NEB: variants seen among roughly 807,000 people sequenced by gnomAD.
NEB encodes the protein nebulin.
Under a neutral mutation model 952.2 loss-of-function variants are expected in NEB, and 512 were observed. The ratio of observed to expected loss-of-function variants is 0.54; its 90% CI spans 0.50 to 0.58. NEB has a LOEUF of 0.58. NEB is among the 20% of genes least tolerant of loss of function. The probability of loss-of-function intolerance (pLI) is 0.00; values close to 1 mark genes in which losing one functional copy is unlikely to be tolerated. For missense variants in NEB, 8,428 were observed against 9,231.1 expected (o/e 0.91, Z 3.56); for synonymous variants, 2,900 against 3,149.8 (o/e 0.92, Z 2.66).
chr2:151,671,774 G>A (rs1010459902), intron 37 of NEB, among the ~76,000 whole-genome samples: 3 of 152,040 alleles, frequency 2.0e-5, no homozygotes, highest in East Asian at 1.9e-4. Flanking sequence ...TATTTTTATC[G>A]AGTGCCAATA....
At position 151,610,580 on chromosome 2, in the gene NEB, T is replaced by C. The variant is rs745504838; in HGVS notation, c.11954A>G (p.Tyr3985Cys). 33 of 1,613,834 alleles carry C rather than the reference T, an allele frequency of 2.0e-5. No individual in the cohort carries two copies. The highest frequency in any genetic ancestry group is 3.3e-4 in the Middle Eastern group (2 of 6,060). The part of the protein sequence containing the change: ...KGWDESKMKD[Y>C]DLRADAISIK... ...GGAAATAGCATCTGCTCTCAGATCATAGTCCTTCATCTTTGATTCATCCCA... is the reference window on the plus strand; with the variant it reads ...GGAAATAGCATCTGCTCTCAGATCACAGTCCTTCATCTTTGATTCATCCCA... Residue 3985 changes from tyrosine to cysteine, a missense_variant, in exon 80 of 182, where the codon TAT (tyrosine) becomes TGT (cysteine). By Grantham distance (194) the Tyr-to-Cys change is radical (BLOSUM62 -2). Around this residue, in one of 11 missense-constraint regions of NEB, gnomAD observed 337 missense variants for 297.5 expected, o/e 1.13. Coordinates refer to ENST00000397345, the MANE Select transcript of NEB (RefSeq NM_001164508.2).
Position 151,547,720 on chromosome 2 carries a change from A to G in NEB, c.20176T>C (p.Tyr6726His), listed in dbSNP as rs1436101271. ...VTSERLYREL[Y>H]HKLKDKIHTT... ...TGGATCTTGTCTTTCAGTTTGTGGT[A>G]CAATTCCCGATACAGTCTCTACGTT... Residue 6726 changes from tyrosine to histidine, a missense_variant, in exon 132 of 182, where the codon TAC becomes CAC. Physicochemically the swap from Tyr to His is moderately conservative, Grantham distance 83. This residue lies in a region of NEB where 3,374 missense variants were observed against 3,651.5 expected (regional missense o/e 0.92). Coordinates refer to ENST00000397345, the MANE Select transcript of NEB (RefSeq NM_001164508.2). 6.2e-7 allele frequency: 1 copy of G among 1,613,220 alleles called. No homozygotes were observed. Among genetic ancestry groups the G allele is most frequent in the African/African-American group, 1.3e-5 (1 of 75,034 alleles).
chr2:151,506,403 TTTCC>T, intron 163 of NEB, 145 bp from the exon 164 acceptor site: 1 of 642,112 alleles, frequency 1.6e-6, no homozygotes, highest in Non-Finnish European at 2.8e-6. Flanking sequence ...GCACCTGACA[TTTCC>T]ATGTCAGTAT....
chr2:151,555,156 T>C (rs1368609164), intron 124 of NEB, 112 bp from the exon 125 acceptor site: 5 of 716,790 alleles, frequency 7.0e-6, no homozygotes, highest in African/African-American at 1.8e-5. Flanking sequence ...CCACCCAGCG[T>C]TGGGGACAAC....
At chr2:151,506,108 A>T in intron 164 of NEB, 58 bp downstream of exon 164, 1 of 1,400,974 alleles carries the variant, frequency 7.1e-7, no homozygotes, top group Non-Finnish European at 1.0e-6. Flanking sequence ...CTCATAGGTC[A>T]TTGTAAATTA....
rs1559795396 is a variant in NEB at position 151,548,376 on chromosome 2, C to CA, written c.20088dup (p.Gly6697TrpfsTer45). The CA allele has an allele frequency of 4.3e-6, 7 of 1,613,752 alleles. No homozygotes were observed. The highest frequency in any genetic ancestry group is 5.9e-6 in the Non-Finnish European group (7 of 1,179,724). ...ACATCTTTGGGGCCAAGTGTATACC[C>CA]ATATGCCTTGGTGTGTTCATAGGCT... On this transcript the variant is annotated frameshift_variant, in exon 131 of 182. Coordinates refer to ENST00000397345, the MANE Select transcript of NEB (RefSeq NM_001164508.2). LOFTEE classifies it high-confidence loss of function.
intron 134 of NEB, 52 bp downstream of exon 134, chr2:151,546,293 G>C (rs2094674402): frequency 1.4e-6 from 2 of 1,412,508 alleles, no homozygotes; most frequent in African/African-American, 1.4e-5. Flanking sequence ...CTGGTGATGG[G>C]GGCATCCAGC....
At chr2:151,635,707 C>CAAA (rs1292764660) in intron 64 of NEB, among the ~76,000 whole-genome samples, 2 of 85,998 alleles carry the variant, frequency 2.3e-5, no homozygotes, top group Admixed American at 2.4e-4. Flanking sequence ...ACTCTGTCTC[C>CAAA]AAAAAAAAAA....
At chr2:151,611,804 G>A (rs2097980108) in intron 78 of NEB, among the ~76,000 whole-genome samples, 1 of 152,216 alleles carries the variant, frequency 6.6e-6, no homozygotes, top group African/African-American at 2.4e-5. Flanking sequence ...GTGTATCCCA[G>A]CCCTCAGAAT....
At chr2:151,566,040 T>C (rs898794557) in intron 114 of NEB, among the ~76,000 whole-genome samples, 1 of 152,192 alleles carries the variant, frequency 6.6e-6, no homozygotes, top group Non-Finnish European at 1.5e-5. Context: ...AGAAGGAGTC[T>C]AGGAGTTGAG....
chr2:151,511,849 G>T (rs917484798), intron 161 of NEB, among the ~76,000 whole-genome samples: 1 of 151,874 alleles, frequency 6.6e-6, no homozygotes, highest in Non-Finnish European at 1.5e-5. Flanking sequence ...TCCAAATGTG[G>T]GCTACTTTGT....
chr2:151,516,376 A>G, intron 157 of NEB, 83 bp downstream of exon 157: 3 of 884,288 alleles, frequency 3.4e-6, no homozygotes, highest in Non-Finnish European at 5.3e-6. Context: ...TTTGGATGAC[A>G]GGAAACTGGC....
chr2:151,639,222 T>C (rs1430356378), intron 63 of NEB, 58 bp downstream of exon 63: 23 of 1,310,454 alleles, frequency 1.8e-5, no homozygotes, highest in Middle Eastern at 1.9e-4. Context: ...CATGTCATCA[T>C]AGAGTAGATC....
chr2:151,666,413 C>A lies in NEB; in HGVS notation c.4720-12G>T, dbSNP rs1205808261. 6.2e-7 allele frequency: 1 copy of A among 1,607,828 alleles called. No individual in the cohort carries two copies. Among genetic ancestry groups the A allele is most frequent in the Non-Finnish European group, 8.5e-7 (1 of 1,176,418 alleles). ...TCCTTATATTTGCACTATTTGAAAA[C>A]AAAGGGCAAACAGAAGTTGGCTAGC... On this transcript the variant is annotated splice_polypyrimidine_tract_variant and intron_variant, in intron 40 of 181. Coordinates refer to ENST00000397345, the MANE Select transcript of NEB (RefSeq NM_001164508.2).
In NEB at chr2:151,687,438, G is replaced by A. The variant is rs948435174; in HGVS notation, c.2618C>T (p.Thr873Ile). The A allele has an allele frequency of 3.7e-6, 6 of 1,613,654 alleles. No individual in the cohort carries two copies. Among genetic ancestry groups the A allele is most frequent in the Admixed American group, 3.3e-5 (2 of 60,006 alleles). The change falls in exon 27 of 182, where the codon ACA (threonine) becomes ATA (isoleucine). Residue 873 changes from threonine to isoleucine, a missense_variant. Around this residue, in one of 11 missense-constraint regions of NEB, gnomAD observed 2,851 missense variants for 2,791.5 expected, o/e 1.02. Transcript: ENST00000397345. ...DDPKMLHSLK[T>I]AKNQSDREYR... ...ACTCACATCACTCTGGTTTTTGGCTGTCTTCAAGGAGTGCAGCATCTTTGG... is the reference window on the plus strand; with the variant it reads ...ACTCACATCACTCTGGTTTTTGGCTATCTTCAAGGAGTGCAGCATCTTTGG...
Position 151,645,210 on chromosome 2 carries a change from T to G in NEB, c.7537-635A>C, listed in dbSNP as rs534420795. Among the ~76,000 whole-genome samples the G allele has an allele frequency of 1.1e-3, 171 of 152,324 alleles. 1 individual carries two copies. The highest frequency in any genetic ancestry group is 3.7e-3 in the African/African-American group (154 of 41,562). Reference sequence around the variant, plus strand: ...ATGGATTATTATTGAGGTGCTGTTTTTCAATTCACATGGACTGTTTCATTA... The same window carrying G: ...ATGGATTATTATTGAGGTGCTGTTTGTCAATTCACATGGACTGTTTCATTA... On this transcript the variant is annotated intron_variant, in intron 55 of 181. Coordinates refer to ENST00000397345, the MANE Select transcript of NEB (RefSeq NM_001164508.2).
chr2:151,681,399 A>G (rs897426538), intron 29 of NEB, among the ~76,000 whole-genome samples: 1 of 152,112 alleles, frequency 6.6e-6, no homozygotes, highest in African/African-American at 2.4e-5. Context: ...TGCAGAGGAG[A>G]CCCTGGGTAG....
chr2:151,560,637 G>A lies in NEB; in HGVS notation c.19269C>T (p.Thr6423=). 1 of 1,612,722 alleles carries A rather than the reference G, an allele frequency of 6.2e-7. No individual in the cohort carries two copies. Among genetic ancestry groups the A allele is most frequent in the Middle Eastern group, 1.7e-4 (1 of 6,054 alleles). Residue 6423 remains threonine, a synonymous_variant, in exon 124 of 182, where the codon ACC becomes ACT. Coordinates refer to ENST00000397345, the MANE Select transcript of NEB (RefSeq NM_001164508.2). ...KATSYILPSS[T]LSLTHAKNQK... is the part of the protein sequence containing the mutation. Reference sequence around the variant, plus strand: ...GGTTCTTGGCGTGTGTCAGGGACAAGGTGCTGGAAGGCAGGATGTAGCTGG... The same window carrying A: ...GGTTCTTGGCGTGTGTCAGGGACAAAGTGCTGGAAGGCAGGATGTAGCTGG...
intron 95 of NEB, among the ~76,000 whole-genome samples, chr2:151,591,798 A>G (rs1198004324): frequency 6.6e-6 from 1 of 152,308 alleles, no homozygotes; most frequent in Non-Finnish European, 1.5e-5. Flanking sequence ...ACGTGTATCT[A>G]TAAGTTTTAT....
Sources: gnomAD v4.1 joint callset for allele counts (sites outside exome capture counted in the v4.1 genomes callset) on GRCh38, gnomAD v4.1.1 for gene constraint, gnomAD v4.1.1 regional missense constraint, MANE v1.5 for transcripts, NCBI Gene and HGNC (gene_info 2026-07-23, HGNC 2026-07-21) for gene names.